The following CNTLN variants were observed in gnomAD, a reference collection of about 807,000 sequenced individuals.
CNTLN encodes centlein, centrosomal protein.
CNTLN carries 212 observed loss-of-function variants against 180.0 expected under a neutral mutation model. The observed-to-expected ratio is 1.18, with a 90% confidence interval of 1.05 to 1.32. The LOEUF (loss-of-function observed/expected upper bound fraction) is 1.32. CNTLN is among the 40% of genes most tolerant of loss of function. The pLI, the probability that CNTLN is intolerant of heterozygous loss-of-function variation, is 0.00. For synonymous variants in CNTLN, 722 were observed against 563.1 expected (o/e 1.28, Z -3.99); for missense variants, 2,095 against 1,610.9 (o/e 1.30, Z -5.14).
chr9:17,151,935 A>G (rs1818911232), intron 2 of CNTLN, among the ~76,000 whole-genome samples: 1 of 152,024 alleles, frequency 6.6e-6, no homozygotes. Context: ...TAGATTTTCT[A>G]GTTTATTTGC....
chr9:17,297,092 A>T (rs1204923932), intron 6 of CNTLN, among the ~76,000 whole-genome samples: 1 of 152,212 alleles, frequency 6.6e-6, no homozygotes, highest in Non-Finnish European at 1.5e-5. Flanking sequence ...CCAATCATGA[A>T]TTGAAAATAT....
At chr9:17,455,483 C>T (rs1831056517) in intron 18 of CNTLN, among the ~76,000 whole-genome samples, 1 of 152,116 alleles carries the variant, frequency 6.6e-6, no homozygotes, top group South Asian at 2.1e-4. Flanking sequence ...GGTCTTTCCT[C>T]AGTGGAGGTA....
intron 2 of CNTLN, among the ~76,000 whole-genome samples, chr9:17,145,706 C>T (rs1014265449): frequency 2.0e-5 from 3 of 152,132 alleles, no homozygotes; most frequent in Admixed American, 2.0e-4. Context: ...ATTTCTAAAC[C>T]TACTCACGTT....
downstream of CNTLN, among the ~76,000 whole-genome samples, chr9:17,508,774 C>G (rs1453843964): frequency 3.3e-5 from 5 of 152,138 alleles, no homozygotes; most frequent in South Asian, 2.1e-4. Flanking sequence ...TGAGTAGCAT[C>G]TCATTATATG....
chr9:17,250,764 A>C (rs968094906), intron 5 of CNTLN, among the ~76,000 whole-genome samples: 2 of 152,058 alleles, frequency 1.3e-5, no homozygotes, highest in Non-Finnish European at 2.9e-5. Flanking sequence ...TTTTGAAATC[A>C]TATAGGAAAT....
At chr9:17,259,766 G>T (rs960549455) in intron 5 of CNTLN, among the ~76,000 whole-genome samples, 1 of 149,084 alleles carries the variant, frequency 6.7e-6, no homozygotes, top group Admixed American at 6.6e-5. Context: ...TTTGCGTAGA[G>T]GTGTTTGTAG....
intron 15 of CNTLN, among the ~76,000 whole-genome samples, chr9:17,396,442 C>G: frequency 6.6e-6 from 1 of 152,124 alleles, no homozygotes. Context: ...TAATTGCTAA[C>G]AAATTGCCCA....
chr9:17,524,716 C>G, the CNTLN span, among the ~76,000 whole-genome samples: 1 of 152,142 alleles, frequency 6.6e-6, no homozygotes, highest in Non-Finnish European at 1.5e-5. Context: ...ACTTTAAATC[C>G]TTCTCTTTGT....
chr9:17,327,283 G>T (rs1309083624), intron 8 of CNTLN, among the ~76,000 whole-genome samples: 2 of 96,082 alleles, frequency 2.1e-5, no homozygotes, highest in African/African-American at 7.2e-5. Flanking sequence ...GCAATCTTGG[G>T]TCGCTGCAAA....
chr9:17,204,808 G>T (rs1182577488), intron 2 of CNTLN, among the ~76,000 whole-genome samples: 1 of 152,208 alleles, frequency 6.6e-6, no homozygotes, highest in African/African-American at 2.4e-5. Flanking sequence ...CCCCCCAGGT[G>T]CTCTGTTGCA....
intron 18 of CNTLN, among the ~76,000 whole-genome samples, chr9:17,435,010 A>T (rs1228539975): frequency 6.6e-6 from 1 of 152,222 alleles, no homozygotes; most frequent in African/African-American, 2.4e-5. Flanking sequence ...GTTGGCTTTT[A>T]AAAGTAGTCC....
intron 2 of CNTLN, among the ~76,000 whole-genome samples, chr9:17,149,581 G>A (rs141870635): frequency 0.015 from 2,111 of 139,120 alleles, 55 homozygotes; most frequent in African/African-American, 0.056. Flanking sequence ...GCAGTGGCTC[G>A]ATCTCAGCTC....
chr9:17,268,778 G>A (rs1388011010), intron 5 of CNTLN, among the ~76,000 whole-genome samples: 1 of 151,902 alleles, frequency 6.6e-6, no homozygotes, highest in Non-Finnish European at 1.5e-5. Context: ...CCACCTTGCA[G>A]TTTGGTCTCA....
chr9:17,255,900 G>A (rs931935913), intron 5 of CNTLN, among the ~76,000 whole-genome samples: 1 of 151,810 alleles, frequency 6.6e-6, no homozygotes, highest in Non-Finnish European at 1.5e-5. Flanking sequence ...TTCTAGGATT[G>A]TATATACTTC....
chr9:17,318,191 C>T (rs1193840677), intron 8 of CNTLN, among the ~76,000 whole-genome samples: 1 of 151,834 alleles, frequency 6.6e-6, no homozygotes, highest in Admixed American at 6.6e-5. Flanking sequence ...CCACGCCCGG[C>T]TAATTTTTTT....
chr9:17,517,148 T>A, the CNTLN span, among the ~76,000 whole-genome samples: 4 of 152,054 alleles, frequency 2.6e-5, no homozygotes, highest in Non-Finnish European at 4.4e-5. Context: ...TCCCAGCACT[T>A]TGGGAGGCCG....
intron 7 of CNTLN, chr9:17,299,370 C>A: frequency 1.4e-6 from 1 of 725,894 alleles, no homozygotes. Flanking sequence ...GTAGTTGAGG[C>A]AAGTGAGGCT....
chr9:17,190,485 C>T (rs1411778710), intron 2 of CNTLN, among the ~76,000 whole-genome samples: 4 of 151,846 alleles, frequency 2.6e-5, no homozygotes, highest in African/African-American at 4.8e-5. Flanking sequence ...TTTAACATGG[C>T]TATTAAAATT....
At chr9:17,505,268 G>A (rs867413613), downstream of CNTLN, among the ~76,000 whole-genome samples, 1 of 152,050 alleles carries the variant, frequency 6.6e-6, no homozygotes, top group South Asian at 2.1e-4. Flanking sequence ...CAGGAAGAAG[G>A]CAAAGATTTC....
Sources: gnomAD v4.1 joint callset for allele counts (sites outside exome capture counted in the v4.1 genomes callset) on GRCh38, gnomAD v4.1.1 for gene constraint, MANE v1.5 for transcripts, NCBI Gene and HGNC (gene_info 2026-07-23, HGNC 2026-07-21) for gene names.